Variants in CAMSAP2 observed in about 807,000 individuals in gnomAD.
CAMSAP2 encodes calmodulin regulated spectrin associated protein family member 2.
CAMSAP2 carries 26 observed loss-of-function variants against 146.1 expected under a neutral mutation model. The ratio of observed to expected loss-of-function variants is 0.18; its 90% CI spans 0.13 to 0.25. CAMSAP2 has a LOEUF of 0.25. Among genes scored for constraint, CAMSAP2 ranks in the 10% least tolerant of loss-of-function variants. The pLI is 1.00. For missense variants in CAMSAP2, 1,381 were observed against 1,759.3 expected (o/e 0.78, Z 3.85); for synonymous variants, 499 against 596.6 (o/e 0.84, Z 2.38).
intron 2 of CAMSAP2, among the ~76,000 whole-genome samples, chr1:200,770,053 T>C (rs1665072742): frequency 6.6e-6 from 1 of 152,136 alleles, no homozygotes; most frequent in African/African-American, 2.4e-5. Context: ...AACACCACAG[T>C]GATCAAGTAG....
chr1:200,831,621 G>A (rs987215655), intron 4 of CAMSAP2, among the ~76,000 whole-genome samples: 1 of 150,600 alleles, frequency 6.6e-6, no homozygotes, highest in Non-Finnish European at 1.5e-5. Context: ...TGAAATCTAA[G>A]TTGGAAGGGT....
chr1:200,844,287 C>T lies in CAMSAP2; in HGVS notation c.1022-495C>T, dbSNP rs190004438. 2.5e-3 allele frequency among the ~76,000 whole-genome samples: 382 copies of T among 152,048 alleles called. 3 individuals carry two copies. Among genetic ancestry groups the T allele is most frequent in the African/African-American group, 8.7e-3 (361 of 41,476 alleles). ...ATTTTTGGCTGGGCGTGGTGGCTTA[C>T]GCCTGTAATCCCAGCACTTTGGGAG... On this transcript the variant is annotated intron_variant, in intron 7 of 16. Coordinates refer to ENST00000358823, the MANE Select transcript of CAMSAP2 (RefSeq NM_203459.4).
chr1:200,779,980 A>T (rs901921809), intron 2 of CAMSAP2, among the ~76,000 whole-genome samples: 11 of 152,190 alleles, frequency 7.2e-5, no homozygotes, highest in Admixed American at 7.2e-4. Flanking sequence ...TGCAATAAAT[A>T]CTATGCATAG....
At chr1:200,856,593 C>A (rs1048742154) in intron 15 of CAMSAP2, among the ~76,000 whole-genome samples, 1 of 152,070 alleles carries the variant, frequency 6.6e-6, no homozygotes, top group Admixed American at 6.6e-5. Context: ...GGAATAAAAG[C>A]AATGAAGAAT....
At chr1:200,773,707 ATAG>A (rs1665184218) in intron 2 of CAMSAP2, among the ~76,000 whole-genome samples, 1 of 152,066 alleles carries the variant, frequency 6.6e-6, no homozygotes, top group Non-Finnish European at 1.5e-5. Flanking sequence ...TAAAAAACTA[ATAG>A]TAGACACACA....
chr1:200,798,021 A>G (rs1156296569), intron 2 of CAMSAP2, among the ~76,000 whole-genome samples: 1 of 151,726 alleles, frequency 6.6e-6, no homozygotes, highest in Non-Finnish European at 1.5e-5. Flanking sequence ...GTCCTGTTCC[A>G]TTGATCTATA....
At position 200,807,380 on chromosome 1, in the gene CAMSAP2, C is replaced by T; in HGVS notation, c.404C>T (p.Ala135Val). 1.3e-6 allele frequency: 2 copies of T among 1,513,688 alleles called. No homozygotes were observed. Among genetic ancestry groups the T allele is most frequent in the Non-Finnish European group, 1.8e-6 (2 of 1,127,674 alleles). The allele number at this position is 1,513,688 out of a possible 1,614,324, so 93.8% of individuals were successfully genotyped here. The change falls in exon 3 of 17, where the codon GCA becomes GTA. Residue 135 changes from alanine to valine, a missense_variant. Ala to Val is a moderately conservative substitution (Grantham distance 64). Coordinates refer to ENST00000358823, the MANE Select transcript of CAMSAP2 (RefSeq NM_203459.4). Reference protein sequence around the residue: ...DLHKKPIQMSAHLAMIDTLMM... With the variant: ...DLHKKPIQMSVHLAMIDTLMM... ...GTTCTTGTTTTATATTTTCAGAGTGCACATTTGGCCATGATCGATACCCTC... is the reference window on the plus strand; with the variant it reads ...GTTCTTGTTTTATATTTTCAGAGTGTACATTTGGCCATGATCGATACCCTC...
intron 4 of CAMSAP2, among the ~76,000 whole-genome samples, chr1:200,821,926 C>G (rs1378443499): frequency 6.6e-6 from 1 of 152,068 alleles, no homozygotes; most frequent in Non-Finnish European, 1.5e-5. Context: ...ACACAAGACC[C>G]TATAAAGACT....
chr1:200,757,858 A>C (rs1664692732), intron 1 of CAMSAP2, among the ~76,000 whole-genome samples: 1 of 152,180 alleles, frequency 6.6e-6, no homozygotes, highest in Non-Finnish European at 1.5e-5. Flanking sequence ...GGTCTTTTTA[A>C]AACTTACACT....
intron 2 of CAMSAP2, among the ~76,000 whole-genome samples, chr1:200,792,729 C>T (rs1022957467): frequency 1.3e-5 from 2 of 152,040 alleles, no homozygotes; most frequent in African/African-American, 4.8e-5. Context: ...CTTGAAATGA[C>T]AAAATTATAG....
intron 2 of CAMSAP2, among the ~76,000 whole-genome samples, chr1:200,785,569 T>C (rs1665564260): frequency 6.6e-6 from 1 of 152,018 alleles, no homozygotes; most frequent in African/African-American, 2.4e-5. Flanking sequence ...TTTGTATTTT[T>C]AGTAGAGACA....
At chr1:200,836,973 T>TATAG (rs1208804304) in intron 6 of CAMSAP2, among the ~76,000 whole-genome samples, 1 of 152,198 alleles carries the variant, frequency 6.6e-6, no homozygotes, top group Non-Finnish European at 1.5e-5. Flanking sequence ...TTAAGTCCCT[T>TATAG]ATAGATGCTG....
chr1:200,761,701 C>T (rs1226756928), intron 2 of CAMSAP2, among the ~76,000 whole-genome samples: 1 of 150,216 alleles, frequency 6.7e-6, no homozygotes, highest in Non-Finnish European at 1.5e-5. Context: ...TGCCACTGCA[C>T]TCCAGCCTGG....
chr1:200,817,749 G>A (rs1332182121), intron 4 of CAMSAP2, among the ~76,000 whole-genome samples: 1 of 152,180 alleles, frequency 6.6e-6, no homozygotes, highest in Non-Finnish European at 1.5e-5. Context: ...AATTTTGTCT[G>A]ATTTTGATGT....
chr1:200,781,396 T>C (rs1665424453), intron 2 of CAMSAP2, among the ~76,000 whole-genome samples: 1 of 152,198 alleles, frequency 6.6e-6, no homozygotes, highest in Non-Finnish European at 1.5e-5. Flanking sequence ...ATATAAATTA[T>C]CATAAAAATA....
At chr1:200,814,634 ACAAG>A (rs1291130277) in intron 3 of CAMSAP2, among the ~76,000 whole-genome samples, 3 of 10,692 alleles carry the variant, frequency 2.8e-4, no homozygotes, top group Non-Finnish European at 3.6e-4. Flanking sequence ...AAAAAAAAAA[ACAAG>A]AAGAAGATAT....
Position 200,842,095 on chromosome 1 carries a change from A to C in CAMSAP2, c.1021+8A>C. 6.2e-7 allele frequency: 1 copy of C among 1,603,880 alleles called. No individual in the cohort carries two copies. The highest frequency in any genetic ancestry group is 1.3e-5 in the African/African-American group (1 of 74,834). ...TTGTTCGTCCACAAGGAGGTAATCA[A>C]TCTTTTTAATTTTAAATGTTCCTAT... On this transcript the variant is annotated splice_region_variant and intron_variant, in intron 7 of 16. Transcript: ENST00000358823.
At chr1:200,820,710 C>T (rs114382383) in intron 4 of CAMSAP2, among the ~76,000 whole-genome samples, 424 of 152,224 alleles carry the variant, frequency 2.8e-3, no homozygotes, top group African/African-American at 9.4e-3. Flanking sequence ...AGAAGGGCTC[C>T]GAAGTAAAAT....
At chr1:200,779,652 C>T (rs1665378660) in intron 2 of CAMSAP2, among the ~76,000 whole-genome samples, 1 of 152,158 alleles carries the variant, frequency 6.6e-6, no homozygotes, top group South Asian at 2.1e-4. Flanking sequence ...GCAGAAAATA[C>T]TGTGGAGGGT....
Sources: allele counts gnomAD v4.1 joint callset (sites outside exome capture counted in the v4.1 genomes callset), GRCh38; gene constraint gnomAD v4.1.1; transcripts MANE v1.5; gene names NCBI Gene and HGNC (gene_info 2026-07-23, HGNC 2026-07-21).